The following ADGRL3 variants were observed in gnomAD, a reference collection of about 807,000 sequenced individuals.
ADGRL3 encodes calcium-independent alpha-latrotoxin receptor 3.
Under a neutral mutation model 153.5 loss-of-function variants are expected in ADGRL3, and 62 were observed. That is an observed-to-expected ratio of 0.40 (90% CI 0.33 to 0.50). ADGRL3 has a LOEUF of 0.50. Among genes scored for constraint, ADGRL3 ranks in the 20% least tolerant of loss-of-function variants. The pLI is 0.47. For missense variants in ADGRL3, 1,641 were observed against 1,859.4 expected (o/e 0.88, Z 2.16); for synonymous variants, 710 against 672.5 (o/e 1.06, Z -0.86).
chr4:61,244,543 A>AT, intron 1 of ADGRL3, among the ~76,000 whole-genome samples: 1 of 152,094 alleles, frequency 6.6e-6, no homozygotes, highest in Admixed American at 6.6e-5. Context: ...TTAAACTAGC[A>AT]TTTAATTTTT....
intron 4 of ADGRL3, among the ~76,000 whole-genome samples, chr4:61,552,552 C>T (rs901013980): frequency 6.6e-6 from 1 of 152,166 alleles, no homozygotes; most frequent in Non-Finnish European, 1.5e-5. Flanking sequence ...CAGCCTCAAC[C>T]TCCCAGGCCT....
intron 1 of ADGRL3, among the ~76,000 whole-genome samples, chr4:61,229,000 A>C (rs1219803158): frequency 6.6e-6 from 1 of 152,052 alleles, no homozygotes; most frequent in African/African-American, 2.4e-5. Flanking sequence ...CCTCTTATTT[A>C]TCTTTGTGTG....
intron 5 of ADGRL3, among the ~76,000 whole-genome samples, chr4:61,668,479 T>C (rs981342953): frequency 2.6e-5 from 4 of 152,202 alleles, no homozygotes; most frequent in Admixed American, 2.6e-4. Flanking sequence ...TACAATATCC[T>C]AGGTTCCACA....
chr4:61,802,514 A>G (rs1275251047), intron 8 of ADGRL3, among the ~76,000 whole-genome samples: 1 of 152,042 alleles, frequency 6.6e-6, no homozygotes, highest in East Asian at 1.9e-4. Flanking sequence ...TGTATTTTTC[A>G]TAGAACTCAT....
At chr4:61,366,833 T>A (rs1252475862) in intron 1 of ADGRL3, among the ~76,000 whole-genome samples, 1 of 152,164 alleles carries the variant, frequency 6.6e-6, no homozygotes, top group Non-Finnish European at 1.5e-5. Context: ...ATGTTGATAA[T>A]TGAATAGTCA....
Position 61,344,971 on chromosome 4 carries a change from ATT to A in ADGRL3, c.-239-38148_-239-38147del, listed in dbSNP as rs370256810. Among the ~76,000 whole-genome samples the A allele has an allele frequency of 1.6e-4, 19 of 117,828 alleles. No homozygotes were observed. In the East Asian group the frequency reaches 3.1e-3, roughly 19 times the overall value. The allele number at this position is 117,828 out of a possible 152,430, so 77.3% of individuals were successfully genotyped here. ...CTGGCTAATTTTTTTTTTTTTTTGTATTTTTTAGTAGAGACAGGGTTTCAGCA... is the reference window on the plus strand; with the variant it reads ...CTGGCTAATTTTTTTTTTTTTTTGTATTTTAGTAGAGACAGGGTTTCAGCA... On this transcript the variant is annotated intron_variant, in intron 1 of 26. Coordinates refer to ENST00000683033, the MANE Select transcript of ADGRL3 (RefSeq NM_001387552.1).
intron 2 of ADGRL3, among the ~76,000 whole-genome samples, chr4:61,495,817 T>C (rs1235924226): frequency 1.3e-5 from 2 of 152,214 alleles, no homozygotes; most frequent in African/African-American, 4.8e-5. Flanking sequence ...TTCTTCAATA[T>C]TCTATTCCAT....
chr4:61,403,797 G>A (rs762854217), intron 2 of ADGRL3, among the ~76,000 whole-genome samples: 8 of 152,156 alleles, frequency 5.3e-5, no homozygotes, highest in Admixed American at 2.6e-4. Flanking sequence ...GGTAGGTGGC[G>A]TGAGTATTGA....
intron 4 of ADGRL3, among the ~76,000 whole-genome samples, chr4:61,545,213 C>A (rs1005808665): frequency 6.6e-6 from 1 of 152,122 alleles, no homozygotes; most frequent in African/African-American, 2.4e-5. Flanking sequence ...ACCAAGCTGT[C>A]CCCGTTACCC....
intron 10 of ADGRL3, among the ~76,000 whole-genome samples, chr4:61,893,402 G>A (rs1394678848): frequency 6.6e-6 from 1 of 152,028 alleles, no homozygotes; most frequent in Admixed American, 6.6e-5. Flanking sequence ...CAGTCCAGAG[G>A]GGATCACTTG....
At chr4:61,396,031 C>T (rs2152067373) in intron 2 of ADGRL3, among the ~76,000 whole-genome samples, 1 of 152,022 alleles carries the variant, frequency 6.6e-6, no homozygotes, top group East Asian at 1.9e-4. Context: ...TTGGGAAAAC[C>T]ACATCTGAAT....
chr4:61,246,905 T>C (rs752725815), intron 1 of ADGRL3, among the ~76,000 whole-genome samples: 1 of 151,996 alleles, frequency 6.6e-6, no homozygotes, highest in East Asian at 1.9e-4. Context: ...TTACTGATTG[T>C]GTGGCATTAA....
At chr4:61,266,135 A>T (rs1408222212) in intron 1 of ADGRL3, among the ~76,000 whole-genome samples, 6 of 151,778 alleles carry the variant, frequency 4.0e-5, no homozygotes, top group Non-Finnish European at 8.8e-5. Flanking sequence ...TCTAACAATG[A>T]TTCCATTTTC....
chr4:61,664,026 A>G (rs2094699558), intron 5 of ADGRL3, among the ~76,000 whole-genome samples: 1 of 152,156 alleles, frequency 6.6e-6, no homozygotes, highest in Non-Finnish European at 1.5e-5. Context: ...ATCCATTTGT[A>G]TATGATATGT....
At chr4:61,284,827 T>A (rs1411762923) in intron 1 of ADGRL3, among the ~76,000 whole-genome samples, 1 of 151,618 alleles carries the variant, frequency 6.6e-6, no homozygotes, top group Non-Finnish European at 1.5e-5. Flanking sequence ...AATTTATATA[T>A]ATAAATCAAC....
intron 2 of ADGRL3, among the ~76,000 whole-genome samples, chr4:61,450,564 C>T (rs1436117189): frequency 6.6e-6 from 1 of 152,094 alleles, no homozygotes; most frequent in Non-Finnish European, 1.5e-5. Context: ...TTAAGACTAT[C>T]AGGTTAGTAA....
intron 2 of ADGRL3, among the ~76,000 whole-genome samples, chr4:61,493,539 T>C (rs984595953): frequency 2.6e-5 from 4 of 152,174 alleles, no homozygotes; most frequent in African/African-American, 9.7e-5. Flanking sequence ...GAAGCCAGAG[T>C]TAACAATAGC....
intron 18 of ADGRL3, among the ~76,000 whole-genome samples, chr4:61,983,132 A>G (rs1361681804): frequency 1.3e-5 from 2 of 152,054 alleles, no homozygotes. Flanking sequence ...ATTTTTTCTA[A>G]GTATTATTTT....
chr4:61,917,511 G>A (rs2098750295), intron 13 of ADGRL3, among the ~76,000 whole-genome samples: 2 of 152,150 alleles, frequency 1.3e-5, no homozygotes, highest in Admixed American at 1.3e-4. Context: ...GAAAGATATA[G>A]TAACTATGTT....
Sources: allele counts gnomAD v4.1 joint callset (sites outside exome capture counted in the v4.1 genomes callset), GRCh38; gene constraint gnomAD v4.1.1; transcripts MANE v1.5; gene names NCBI Gene and HGNC (gene_info 2026-07-23, HGNC 2026-07-21).